ZNG1C: variants seen among roughly 807,000 people sequenced by gnomAD.
The protein encoded by ZNG1C is Zn regulated GTPase metalloprotein activator 1C.
the ZNG1C span, among the ~76,000 whole-genome samples, chr9:68,291,822 A>G: frequency 6.6e-6 from 1 of 150,994 alleles, no homozygotes; most frequent in Non-Finnish European, 1.5e-5. Context: ...TTTCCATACT[A>G]CCACAACTGA....
the ZNG1C span, chr9:68,269,220 G>A: frequency 5.4e-5 from 19 of 350,844 alleles, no homozygotes; most frequent in African/African-American, 3.7e-4. Context: ...GTAAGTGTTT[G>A]CTTAATGAGG....
At chr9:68,282,458 GT>G in the ZNG1C span, among the ~76,000 whole-genome samples, 1 of 33,990 alleles carries the variant, frequency 2.9e-5, no homozygotes, top group African/African-American at 9.2e-5. Flanking sequence ...CTTTCAACTA[GT>G]TTTTTTTTCC....
At chr9:68,247,223 G>C in the ZNG1C span, among the ~76,000 whole-genome samples, 1 of 151,890 alleles carries the variant, frequency 6.6e-6, no homozygotes, top group Admixed American at 6.6e-5. Flanking sequence ...AGAATGAAAA[G>C]AAAAAGATAA....
At chr9:68,281,285 A>AGAT in the ZNG1C span, among the ~76,000 whole-genome samples, 1 of 152,398 alleles carries the variant, frequency 6.6e-6, no homozygotes, top group South Asian at 2.1e-4. Context: ...AAATGGAGAA[A>AGAT]TCGCCTGTCT....
At chr9:68,288,375 G>C in the ZNG1C span, among the ~76,000 whole-genome samples, 2 of 152,190 alleles carry the variant, frequency 1.3e-5, no homozygotes, top group East Asian at 1.9e-4. Context: ...TTGTTTGTTT[G>C]TTTTGGTTTT....
At chr9:68,285,809 A>G in the ZNG1C span, 2 of 662,524 alleles carry the variant, frequency 3.0e-6, no homozygotes, top group Non-Finnish European at 5.1e-6. Context: ...AAATTTTAAA[A>G]AAACTTAATC....
At chr9:68,257,192 C>T in the ZNG1C span, among the ~76,000 whole-genome samples, 3 of 140,662 alleles carry the variant, frequency 2.1e-5, no homozygotes, top group Non-Finnish European at 4.6e-5. Context: ...CGTGCACCAT[C>T]GTACCTGGCT....
chr9:68,267,332 T>C, the ZNG1C span, among the ~76,000 whole-genome samples: 1 of 145,228 alleles, frequency 6.9e-6, no homozygotes, highest in Non-Finnish European at 1.5e-5. Flanking sequence ...TTTCATCTTA[T>C]TTTAATAGTA....
the ZNG1C span, among the ~76,000 whole-genome samples, chr9:68,244,621 C>G: frequency 1.4e-5 from 2 of 139,462 alleles, no homozygotes. Context: ...TATAGTCATA[C>G]AATTGAACTA....
At chr9:68,269,262 ACT>A in the ZNG1C span, 2 of 224,066 alleles carry the variant, frequency 8.9e-6, no homozygotes, top group African/African-American at 5.0e-5. Context: ...CGAGAGGGTA[ACT>A]CAGTACAGAA....
At chr9:68,268,397 TA>T in the ZNG1C span, among the ~76,000 whole-genome samples, 16 of 152,222 alleles carry the variant, frequency 1.1e-4, no homozygotes, top group East Asian at 1.2e-3. Context: ...GTAGAGAGCC[TA>T]ATTAGGGAAC....
At chr9:68,245,000 GT>G in the ZNG1C span, among the ~76,000 whole-genome samples, 1 of 138,942 alleles carries the variant, frequency 7.2e-6, no homozygotes, top group Non-Finnish European at 1.6e-5. Context: ...TTGTAGGAGT[GT>G]TTGTAAATAT....
chr9:68,257,540 A>T, the ZNG1C span, among the ~76,000 whole-genome samples: 1 of 96,762 alleles, frequency 1.0e-5, no homozygotes, highest in Admixed American at 1.1e-4. Context: ...GGTTTTCTTT[A>T]AAAAAAAAAA....
At chr9:68,280,985 G>C in the ZNG1C span, among the ~76,000 whole-genome samples, 8 of 117,498 alleles carry the variant, frequency 6.8e-5, 2 homozygotes, top group South Asian at 1.5e-3. Flanking sequence ...AGCAATCAGC[G>C]AGACTCCGTG....
chr9:68,287,607 T>C, the ZNG1C span, among the ~76,000 whole-genome samples: 14 of 152,298 alleles, frequency 9.2e-5, no homozygotes, highest in Admixed American at 3.9e-4. Flanking sequence ...TAGAATAGTA[T>C]AATGAGCCTG....
chr9:68,268,568 G>A, the ZNG1C span, among the ~76,000 whole-genome samples: 1 of 152,038 alleles, frequency 6.6e-6, no homozygotes, highest in Non-Finnish European at 1.5e-5. Flanking sequence ...AGTGACCACC[G>A]TAAAAATTTT....
chr9:68,293,170 A>G, the ZNG1C span, among the ~76,000 whole-genome samples: 2 of 152,386 alleles, frequency 1.3e-5, no homozygotes, highest in East Asian at 3.9e-4. Context: ...AAGGAACTCT[A>G]AATCTTGAAA....
At chr9:68,284,877 T>G in the ZNG1C span, among the ~76,000 whole-genome samples, 5 of 148,494 alleles carry the variant, frequency 3.4e-5, no homozygotes, top group East Asian at 7.8e-4. Context: ...GGAACTAAAC[T>G]TAAATGTTCG....
At chr9:68,282,748 A>G in the ZNG1C span, among the ~76,000 whole-genome samples, 2 of 51,824 alleles carry the variant, frequency 3.9e-5, no homozygotes, top group Admixed American at 2.4e-4. Context: ...CAGTTATTCA[A>G]GAAGTTGTCT....
Sources: gnomAD v4.1 joint callset for allele counts (sites outside exome capture counted in the v4.1 genomes callset) on GRCh38, gnomAD v4.1.1 for gene constraint, MANE v1.5 for transcripts, NCBI Gene and HGNC (gene_info 2026-07-23, HGNC 2026-07-21) for gene names.